Variants in TRAPPC9 observed in about 807,000 individuals in gnomAD.
TRAPPC9 encodes the protein IKK2 binding protein.
TRAPPC9 carries 83 observed loss-of-function variants against 124.0 expected under a neutral mutation model. The observed-to-expected ratio is 0.67, with a 90% CI of 0.56 to 0.80. TRAPPC9 has a LOEUF of 0.80. TRAPPC9 is among the 30% of genes least tolerant of loss of function. The pLI is 0.00. For synonymous variants in TRAPPC9, 638 were observed against 617.5 expected (o/e 1.03, Z -0.49); for missense variants, 1,302 against 1,508.3 (o/e 0.86, Z 2.27).
chr8:139,980,595 G>A (rs1262135835), intron 19 of TRAPPC9, among the ~76,000 whole-genome samples: 1 of 152,220 alleles, frequency 6.6e-6, no homozygotes, highest in African/African-American at 2.4e-5. Flanking sequence ...CATCGGGCAT[G>A]GCCTCTAACG....
rs62527773 is a variant in TRAPPC9 at position 140,412,423 on chromosome 8, C to T, written c.887-6725G>A. 4.9e-3 allele frequency among the ~76,000 whole-genome samples: 746 copies of T among 152,294 alleles called. 1 individual carries two copies. Among genetic ancestry groups the T allele is most frequent in the Non-Finnish European group, 6.8e-3 (461 of 68,030 alleles). On this transcript the variant is annotated intron_variant, in intron 5 of 22. Transcript: ENST00000438773. ...CTGGATCCCGCATCAGGAAATAGAA[C>T]TGCTGTATTGGAACAGCTGGTGGAA...
chr8:139,947,924 C>CGCGAGA (rs55786926), intron 19 of TRAPPC9, among the ~76,000 whole-genome samples: 7 of 83,466 alleles, frequency 8.4e-5, no homozygotes, highest in Non-Finnish European at 6.8e-5. Flanking sequence ...AGAGAGAGAG[C>CGCGAGA]GAGAGAGAGA....
intron 14 of TRAPPC9, among the ~76,000 whole-genome samples, chr8:140,279,185 T>C (rs1365905915): frequency 6.6e-6 from 1 of 152,220 alleles, no homozygotes; most frequent in Non-Finnish European, 1.5e-5. Context: ...TTTGTTTTTA[T>C]ATTACAGGGC....
intron 6 of TRAPPC9, among the ~76,000 whole-genome samples, chr8:140,403,933 C>A (rs2069375075): frequency 1.3e-5 from 2 of 152,120 alleles, no homozygotes; most frequent in African/African-American, 4.8e-5. Flanking sequence ...GCTGGAATTA[C>A]TGGCGGGCGT....
intron 17 of TRAPPC9, among the ~76,000 whole-genome samples, chr8:140,109,447 A>T (rs749810611): frequency 5.1e-4 from 78 of 152,332 alleles, no homozygotes; most frequent in Non-Finnish European, 9.8e-4. Flanking sequence ...ATTGCCACTC[A>T]AAAATACGAA....
intron 9 of TRAPPC9, among the ~76,000 whole-genome samples, chr8:140,352,479 C>A (rs1053309507): frequency 6.6e-6 from 1 of 152,130 alleles, no homozygotes; most frequent in African/African-American, 2.4e-5. Context: ...TTCCGCTGAA[C>A]GAGGAACTGG....
chr8:140,036,317 G>A (rs1416496678), intron 17 of TRAPPC9, among the ~76,000 whole-genome samples: 1 of 152,154 alleles, frequency 6.6e-6, no homozygotes, highest in Non-Finnish European at 1.5e-5. Flanking sequence ...TGAAGTCACT[G>A]CCAGGTGAAG....
chr8:140,410,830 G>A (rs548041420), intron 5 of TRAPPC9, among the ~76,000 whole-genome samples: 5 of 147,602 alleles, frequency 3.4e-5, no homozygotes, highest in East Asian at 2.0e-4. Flanking sequence ...GTGACAGAGC[G>A]AGACTGTCTC....
intron 8 of TRAPPC9, among the ~76,000 whole-genome samples, chr8:140,368,422 C>T (rs751933243): frequency 2.6e-5 from 4 of 152,130 alleles, no homozygotes; most frequent in Admixed American, 2.0e-4. Context: ...TGGTCATCAG[C>T]GCTCCGCCTG....
At chr8:140,301,675 A>G (rs982693138) in intron 10 of TRAPPC9, among the ~76,000 whole-genome samples, 3 of 152,180 alleles carry the variant, frequency 2.0e-5, no homozygotes, top group Admixed American at 6.5e-5. Flanking sequence ...TGATAAATCT[A>G]CGTGCTCCCC....
chr8:140,360,556 T>G (rs1439590455), intron 8 of TRAPPC9, among the ~76,000 whole-genome samples: 2 of 152,040 alleles, frequency 1.3e-5, no homozygotes, highest in Non-Finnish European at 2.9e-5. Flanking sequence ...GCCTTCATTA[T>G]CAACAACCAA....
intron 5 of TRAPPC9, among the ~76,000 whole-genome samples, chr8:140,410,211 T>C (rs1313860348): frequency 6.7e-6 from 1 of 150,362 alleles, no homozygotes; most frequent in Non-Finnish European, 1.5e-5. Flanking sequence ...CCTTTTTATA[T>C]AGTTTTGATT....
intron 21 of TRAPPC9, among the ~76,000 whole-genome samples, chr8:139,768,129 A>T (rs781604228): frequency 2.0e-5 from 3 of 152,268 alleles, no homozygotes; most frequent in Non-Finnish European, 4.4e-5. Context: ...TACTTTCTGG[A>T]ACATTTGCAT....
chr8:140,374,206 C>G (rs2068367744), intron 7 of TRAPPC9, among the ~76,000 whole-genome samples: 2 of 152,222 alleles, frequency 1.3e-5, no homozygotes, highest in South Asian at 4.1e-4. Flanking sequence ...GTGTGCAGTA[C>G]AGCAGCGAAC....
chr8:140,345,036 C>T (rs1158361642), intron 9 of TRAPPC9, among the ~76,000 whole-genome samples: 3 of 152,222 alleles, frequency 2.0e-5, no homozygotes, highest in Non-Finnish European at 2.9e-5. Flanking sequence ...GCACCCTGCG[C>T]CCTGTGCTGA....
intron 21 of TRAPPC9, among the ~76,000 whole-genome samples, chr8:139,758,525 C>T (rs776876151): frequency 3.3e-5 from 5 of 152,004 alleles, no homozygotes; most frequent in Non-Finnish European, 7.4e-5. Flanking sequence ...GTGGGGAGGC[C>T]GGGGGCAGGG....
At chr8:139,934,464 T>G (rs1262655088) in intron 19 of TRAPPC9, among the ~76,000 whole-genome samples, 3 of 152,208 alleles carry the variant, frequency 2.0e-5, no homozygotes, top group Non-Finnish European at 4.4e-5. Context: ...TGAAACTTCA[T>G]TCTTCCAATC....
At chr8:140,077,489 A>G (rs947567041) in intron 17 of TRAPPC9, among the ~76,000 whole-genome samples, 3 of 152,112 alleles carry the variant, frequency 2.0e-5, no homozygotes, top group African/African-American at 7.2e-5. Context: ...CCTACTCTCT[A>G]AGAGCTGACC....
intron 20 of TRAPPC9, among the ~76,000 whole-genome samples, chr8:139,897,902 G>C (rs866117430): frequency 8.5e-5 from 13 of 152,260 alleles, no homozygotes; most frequent in Non-Finnish European, 1.5e-4. Context: ...TGGAACGTTA[G>C]AGGCACTTGT....
Sources: gnomAD v4.1 joint callset for allele counts (sites outside exome capture counted in the v4.1 genomes callset) on GRCh38, gnomAD v4.1.1 for gene constraint, MANE v1.5 for transcripts, NCBI Gene and HGNC (gene_info 2026-07-23, HGNC 2026-07-21) for gene names.